MAP3K7CL: variants seen among roughly 807,000 people sequenced by gnomAD.
MAP3K7CL encodes MAP3K7 C-terminal-like protein.
A neutral mutation model predicts 18.6 loss-of-function variants in MAP3K7CL; 16 were observed. The observed-to-expected ratio is 0.86, with a 90% confidence interval of 0.58 to 1.31. The LOEUF is 1.31. Ranked by LOEUF, MAP3K7CL falls within the 50% of genes most tolerant of loss-of-function variation. The pLI is 0.00. For synonymous variants in MAP3K7CL, 65 were observed against 66.8 expected (o/e 0.97, Z 0.13); for missense variants, 163 against 174.4 (o/e 0.93, Z 0.37).
upstream of MAP3K7CL, among the ~76,000 whole-genome samples, chr21:29,085,458 A>G (rs1000466140): frequency 6.7e-6 from 1 of 149,606 alleles, no homozygotes. Flanking sequence ...GAGGCAGGAG[A>G]ATGGAGTGAA....
At chr21:29,106,428 T>C (rs1300668596) in intron 4 of MAP3K7CL, among the ~76,000 whole-genome samples, 1 of 152,120 alleles carries the variant, frequency 6.6e-6, no homozygotes, top group Admixed American at 6.6e-5. Context: ...GTGATCCGCC[T>C]GAAAAAGGCA....
chr21:29,087,944 A>C (rs1420662614), intron 1 of MAP3K7CL, among the ~76,000 whole-genome samples: 12 of 152,126 alleles, frequency 7.9e-5, no homozygotes, highest in Non-Finnish European at 2.9e-5. Flanking sequence ...ATTTCTGTAC[A>C]TCACACCTGG....
chr21:29,077,922 A>G (rs1157805430), intron 1 of MAP3K7CL, among the ~76,000 whole-genome samples: 1 of 152,152 alleles, frequency 6.6e-6, no homozygotes, highest in Non-Finnish European at 1.5e-5. Context: ...AGCCGTGAGG[A>G]TTGGGGGTTG....
chr21:29,139,622 T>G (rs2146651741), intron 2 of MAP3K7CL, among the ~76,000 whole-genome samples: 1 of 152,306 alleles, frequency 6.6e-6, no homozygotes, highest in East Asian at 1.9e-4. Flanking sequence ...TCTCACTCTG[T>G]CACCCAGGCT....
At chr21:29,098,013 T>G (rs1448938095) in intron 4 of MAP3K7CL, among the ~76,000 whole-genome samples, 2 of 152,172 alleles carry the variant, frequency 1.3e-5, no homozygotes, top group African/African-American at 2.4e-5. Flanking sequence ...GCTATATAAC[T>G]TTGAATTAAT....
intron 4 of MAP3K7CL, among the ~76,000 whole-genome samples, chr21:29,110,784 T>C (rs1368715073): frequency 1.3e-5 from 2 of 152,238 alleles, no homozygotes; most frequent in Non-Finnish European, 2.9e-5. Context: ...TCTGCTTTCA[T>C]GTTCTTAATT....
chr21:29,148,974 A>G (rs572368975), intron 2 of MAP3K7CL, among the ~76,000 whole-genome samples: 1 of 152,256 alleles, frequency 6.6e-6, no homozygotes, highest in Non-Finnish European at 1.5e-5. Context: ...GGATTCTGAT[A>G]TTTGCTTGCA....
At chr21:29,100,622 G>A (rs2086210470) in intron 4 of MAP3K7CL, among the ~76,000 whole-genome samples, 1 of 151,038 alleles carries the variant, frequency 6.6e-6, no homozygotes, top group African/African-American at 2.4e-5. Context: ...AAACTATTAC[G>A]CATCACCTGG....
chr21:29,141,016 A>G (rs1419990139), intron 2 of MAP3K7CL, among the ~76,000 whole-genome samples: 1 of 152,172 alleles, frequency 6.6e-6, no homozygotes, highest in Non-Finnish European at 1.5e-5. Flanking sequence ...GGCTCAAGCA[A>G]TCCACTCACG....
chr21:29,116,055 C>G (rs2086499983), intron 4 of MAP3K7CL, among the ~76,000 whole-genome samples: 1 of 152,200 alleles, frequency 6.6e-6, no homozygotes, highest in South Asian at 2.1e-4. Flanking sequence ...CTAGTGGTTT[C>G]TTCCGTGAAG....
At chr21:29,164,661 A>T (rs1203410274) in intron 4 of MAP3K7CL, among the ~76,000 whole-genome samples, 1 of 152,228 alleles carries the variant, frequency 6.6e-6, no homozygotes, top group Non-Finnish European at 1.5e-5. Flanking sequence ...TTCTAGGATT[A>T]TAAACTCAGC....
intron 4 of MAP3K7CL, among the ~76,000 whole-genome samples, chr21:29,172,333 G>A (rs2087859840): frequency 1.4e-5 from 2 of 145,792 alleles, no homozygotes; most frequent in Admixed American, 1.4e-4. Flanking sequence ...GAATTTCCCT[G>A]AATTTGATTT....
At chr21:29,103,284 C>T (rs1215546511) in intron 4 of MAP3K7CL, among the ~76,000 whole-genome samples, 1 of 152,112 alleles carries the variant, frequency 6.6e-6, no homozygotes, top group Non-Finnish European at 1.5e-5. Flanking sequence ...TACCATTTGG[C>T]CGTATGTTAC....
intron 2 of MAP3K7CL, among the ~76,000 whole-genome samples, chr21:29,135,302 C>T (rs2086861808): frequency 6.6e-6 from 1 of 152,124 alleles, no homozygotes; most frequent in Admixed American, 6.5e-5. Flanking sequence ...ATAGTCAGTG[C>T]TTTTCATGGC....
intron 4 of MAP3K7CL, among the ~76,000 whole-genome samples, chr21:29,173,042 G>C (rs2087881006): frequency 6.6e-6 from 1 of 152,178 alleles, no homozygotes; most frequent in African/African-American, 2.4e-5. Flanking sequence ...ATGTAAGGAA[G>C]ATAGTATTTG....
At chr21:29,132,887 G>C (rs555173980) in intron 1 of MAP3K7CL, among the ~76,000 whole-genome samples, 2 of 151,956 alleles carry the variant, frequency 1.3e-5, no homozygotes, top group Non-Finnish European at 1.5e-5. Context: ...TTTAATTTAG[G>C]CTTTTGAACA....
chr21:29,127,858 G>A (rs2086705990), upstream of MAP3K7CL: 1 of 152,190 alleles, frequency 6.6e-6, no homozygotes, highest in African/African-American at 2.4e-5. Context: ...AGGAGCTGTT[G>A]ACAGTATCAT....
intron 4 of MAP3K7CL, among the ~76,000 whole-genome samples, chr21:29,164,094 C>T (rs1442124334): frequency 6.8e-6 from 1 of 146,326 alleles, no homozygotes; most frequent in African/African-American, 2.5e-5. Context: ...TGCGAGACTC[C>T]ATTTAAAAAA....
At chr21:29,170,540 A>C (rs1237091999) in intron 4 of MAP3K7CL, among the ~76,000 whole-genome samples, 1 of 152,212 alleles carries the variant, frequency 6.6e-6, no homozygotes, top group Non-Finnish European at 1.5e-5. Context: ...CACCTAAATC[A>C]TTTATATGAC....
Sources: allele counts gnomAD v4.1 joint callset (sites outside exome capture counted in the v4.1 genomes callset), GRCh38; gene constraint gnomAD v4.1.1; transcripts MANE v1.5; gene names NCBI Gene and HGNC (gene_info 2026-07-23, HGNC 2026-07-21).